RABGAP1L: variants seen among roughly 807,000 people sequenced by gnomAD.
RABGAP1L encodes the protein rab GTPase-activating protein 1-like.
A neutral mutation model predicts 137.7 loss-of-function variants in RABGAP1L; 63 were observed. The ratio of observed to expected loss-of-function variants is 0.46; its 90% confidence interval spans 0.37 to 0.56. RABGAP1L has a LOEUF of 0.56. RABGAP1L is among the 20% of genes least tolerant of loss of function. The pLI, the probability that RABGAP1L is intolerant of heterozygous loss-of-function variation, is 0.00. For synonymous variants in RABGAP1L, 431 were observed against 433.7 expected (o/e 0.99, Z 0.08); for missense variants, 1,095 against 1,244.0 (o/e 0.88, Z 1.80).
At chr1:174,861,406 T>G (rs1650243068) in intron 19 of RABGAP1L, among the ~76,000 whole-genome samples, 2 of 152,186 alleles carry the variant, frequency 1.3e-5, no homozygotes. Context: ...TGAATAATTC[T>G]GCAGCGAATG....
At chr1:174,642,766 T>C (rs72715271) in intron 14 of RABGAP1L, among the ~76,000 whole-genome samples, 45,596 of 114,986 alleles carry the variant, frequency 0.4, 10,627 homozygotes, top group African/African-American at 0.69. Flanking sequence ...TTCCCCTCTC[T>C]CCCTCTCCCC....
intron 18 of RABGAP1L, among the ~76,000 whole-genome samples, chr1:174,778,047 T>C (rs1159781241): frequency 6.6e-6 from 1 of 152,132 alleles, no homozygotes; most frequent in Non-Finnish European, 1.5e-5. Flanking sequence ...ATGAAAATTA[T>C]AGACCCAAGA....
chr1:174,537,869 G>T (rs1228492928), intron 13 of RABGAP1L, among the ~76,000 whole-genome samples: 1 of 152,120 alleles, frequency 6.6e-6, no homozygotes, highest in African/African-American at 2.4e-5. Flanking sequence ...TGAGTATCAA[G>T]TGGCTTCACA....
At chr1:174,969,951 CAATT>C (rs1669994753) in intron 21 of RABGAP1L, among the ~76,000 whole-genome samples, 3 of 152,064 alleles carry the variant, frequency 2.0e-5, no homozygotes, top group African/African-American at 4.8e-5. Flanking sequence ...GATGATATAA[CAATT>C]AAATAAGTAA....
At chr1:174,934,515 G>A (rs560567993) in intron 19 of RABGAP1L, among the ~76,000 whole-genome samples, 54 of 152,272 alleles carry the variant, frequency 3.5e-4, no homozygotes, top group African/African-American at 1.2e-3. Context: ...GGCCAGGCAT[G>A]GTGGCTCGCG....
intron 3 of RABGAP1L, among the ~76,000 whole-genome samples, chr1:174,229,380 C>T (rs985261093): frequency 1.3e-5 from 2 of 152,064 alleles, no homozygotes; most frequent in Admixed American, 6.5e-5. Flanking sequence ...GTTTTTCCTC[C>T]TTATTGTTCT....
At chr1:174,842,482 A>G (rs1693524012) in intron 19 of RABGAP1L, among the ~76,000 whole-genome samples, 1 of 152,166 alleles carries the variant, frequency 6.6e-6, no homozygotes, top group South Asian at 2.1e-4. Context: ...CCACTGCATA[A>G]ATAATTCATA....
At chr1:174,627,930 G>A (rs1028879803) in intron 13 of RABGAP1L, among the ~76,000 whole-genome samples, 1 of 152,090 alleles carries the variant, frequency 6.6e-6, no homozygotes, top group African/African-American at 2.4e-5. Context: ...ATATACTTGT[G>A]ATAGTGGTTT....
chr1:174,344,383 G>A (rs566908540), intron 11 of RABGAP1L, among the ~76,000 whole-genome samples: 1 of 152,284 alleles, frequency 6.6e-6, no homozygotes, highest in East Asian at 1.9e-4. Flanking sequence ...CTCATAAGTA[G>A]TTGTAGAAGG....
intron 11 of RABGAP1L, among the ~76,000 whole-genome samples, chr1:174,334,602 A>G (rs1216827317): frequency 6.6e-6 from 1 of 152,192 alleles, no homozygotes; most frequent in African/African-American, 2.4e-5. Context: ...TCCAACAAAC[A>G]AACCAGATGA....
intron 21 of RABGAP1L, among the ~76,000 whole-genome samples, chr1:174,970,647 A>C (rs1670052134): frequency 6.6e-6 from 1 of 152,190 alleles, no homozygotes; most frequent in African/African-American, 2.4e-5. Context: ...TCCAGGAAGC[A>C]GTTATTATTT....
intron 14 of RABGAP1L, among the ~76,000 whole-genome samples, chr1:174,678,751 G>A (rs1677832589): frequency 6.6e-6 from 1 of 152,190 alleles, no homozygotes; most frequent in African/African-American, 2.4e-5. Context: ...GCCATGTGGT[G>A]ATTGTTATAG....
chr1:174,659,276 G>C (rs1340866628), intron 14 of RABGAP1L, among the ~76,000 whole-genome samples: 1 of 148,346 alleles, frequency 6.7e-6, no homozygotes, highest in Non-Finnish European at 1.5e-5. Context: ...TTGATCTATA[G>C]TTGCTGTTAC....
intron 14 of RABGAP1L, among the ~76,000 whole-genome samples, chr1:174,665,731 C>T (rs1391811124): frequency 1.3e-5 from 2 of 152,230 alleles, no homozygotes; most frequent in Admixed American, 1.3e-4. Context: ...TCCCAAAGTG[C>T]TGGGATTACT....
chr1:174,514,680 T>G (rs1371423948), intron 13 of RABGAP1L, among the ~76,000 whole-genome samples: 1 of 152,208 alleles, frequency 6.6e-6, no homozygotes, highest in Non-Finnish European at 1.5e-5. Context: ...TTAGCTAACC[T>G]TGGTTTCTAG....
At chr1:174,589,116 T>C (rs1367727361) in intron 13 of RABGAP1L, among the ~76,000 whole-genome samples, 1 of 152,358 alleles carries the variant, frequency 6.6e-6, no homozygotes, top group South Asian at 2.1e-4. Flanking sequence ...GCATTTGTTA[T>C]TGCCTATTTT....
intron 6 of RABGAP1L, 65 bp from the exon 7 acceptor site, chr1:174,252,415 T>C (rs759706889): frequency 6.4e-7 from 1 of 1,569,894 alleles, no homozygotes; most frequent in South Asian, 1.2e-5. Context: ...GTTCTAACCT[T>C]GGAATAGGTT....
At chr1:174,868,248 A>G (rs962836830) in intron 19 of RABGAP1L, among the ~76,000 whole-genome samples, 11 of 152,138 alleles carry the variant, frequency 7.2e-5, no homozygotes, top group African/African-American at 2.7e-4. Flanking sequence ...CATGATTTCC[A>G]TGGCACCCAG....
At chr1:174,705,459 G>A (rs1001953290) in intron 17 of RABGAP1L, 1 of 152,122 alleles carries the variant, frequency 6.6e-6, no homozygotes, top group Admixed American at 6.5e-5. Context: ...AGGTCATAAT[G>A]TTCATTAATA....
Sources: allele counts gnomAD v4.1 joint callset (sites outside exome capture counted in the v4.1 genomes callset), GRCh38; gene constraint gnomAD v4.1.1; transcripts MANE v1.5; gene names NCBI Gene and HGNC (gene_info 2026-07-23, HGNC 2026-07-21).